Variants in KCNQ3 observed in about 807,000 individuals in gnomAD.
KCNQ3 encodes potassium voltage-gated channel subfamily Q member 3.
A neutral mutation model predicts 92.5 loss-of-function variants in KCNQ3; 30 were observed. The ratio of observed to expected loss-of-function variants is 0.32; its 90% CI spans 0.24 to 0.44. The LOEUF (loss-of-function observed/expected upper bound fraction) is 0.44. KCNQ3 is among the 20% of genes least tolerant of loss of function. The pLI is 1.00. For missense variants in KCNQ3, 913 were observed against 1,140.3 expected (o/e 0.80, Z 2.87); for synonymous variants, 450 against 468.8 (o/e 0.96, Z 0.52).
chr8:132,400,248 T>C (rs1820298748), intron 1 of KCNQ3, among the ~76,000 whole-genome samples: 1 of 152,200 alleles, frequency 6.6e-6, no homozygotes, highest in African/African-American at 2.4e-5. Flanking sequence ...CTGAGCTAAA[T>C]ATGAGCTCAA....
chr8:132,405,245 T>G (rs1031123504), intron 1 of KCNQ3, among the ~76,000 whole-genome samples: 4 of 152,132 alleles, frequency 2.6e-5, no homozygotes, highest in African/African-American at 9.7e-5. Flanking sequence ...AGGTGACAGG[T>G]CCCACTATAA....
intron 1 of KCNQ3, among the ~76,000 whole-genome samples, chr8:132,479,088 C>T (rs541565005): frequency 6.6e-6 from 1 of 152,276 alleles, no homozygotes; most frequent in Admixed American, 6.5e-5. Context: ...GAAGGCAGAG[C>T]TTGATGGCTG....
chr8:132,158,963 A>G (rs1825894610), intron 9 of KCNQ3, among the ~76,000 whole-genome samples: 1 of 152,182 alleles, frequency 6.6e-6, no homozygotes, highest in South Asian at 2.1e-4. Context: ...AGATTCCTGA[A>G]GGCTGCTGTT....
chr8:132,448,151 G>A (rs1296522281), intron 1 of KCNQ3, among the ~76,000 whole-genome samples: 1 of 152,154 alleles, frequency 6.6e-6, no homozygotes, highest in Non-Finnish European at 1.5e-5. Flanking sequence ...CCCCTGTTTT[G>A]TAGCAGCTGT....
At chr8:132,400,364 C>T (rs993054258) in intron 1 of KCNQ3, among the ~76,000 whole-genome samples, 11 of 152,326 alleles carry the variant, frequency 7.2e-5, no homozygotes, top group African/African-American at 2.6e-4. Flanking sequence ...CGGCTTTTCA[C>T]ACATCCTTGT....
chr8:132,134,433 G>C, intron 12 of KCNQ3, 45 bp from the exon 13 acceptor site: 1 of 1,320,374 alleles, frequency 7.6e-7, no homozygotes, highest in Non-Finnish European at 1.1e-6. Flanking sequence ...ACAGAGCTTT[G>C]TTTTGACAGG....
chr8:132,449,955 T>C lies in KCNQ3; in HGVS notation c.386+30192A>G, dbSNP rs999389963. On this transcript the variant is annotated intron_variant, in intron 1 of 14. Transcript: ENST00000388996. ...CAACTCTAGCCCTCTTCCCACTGTGTCCAGAGTTGGTGCCTTCCACTGGGT... is the reference window on the plus strand; with the variant it reads ...CAACTCTAGCCCTCTTCCCACTGTGCCCAGAGTTGGTGCCTTCCACTGGGT... Among the ~76,000 whole-genome samples the C allele has an allele frequency of 2.0e-5, 3 of 152,324 alleles. No homozygotes were observed. In the East Asian group the frequency reaches 5.8e-4, roughly 29 times the overall value.
chr8:132,184,404 C>T (rs201442034), intron 2 of KCNQ3, 37 bp from the exon 3 acceptor site: 128 of 1,611,914 alleles, frequency 7.9e-5, no homozygotes, highest in Middle Eastern at 3.3e-4. Flanking sequence ...ACTGATTAAC[C>T]GAGATCCACT....
intron 1 of KCNQ3, chr8:132,186,616 C>A (rs1725866218): frequency 1.7e-5 from 5 of 303,022 alleles, no homozygotes; most frequent in South Asian, 1.6e-4. Flanking sequence ...GAAGAAAACA[C>A]AAATTTATTC....
intron 9 of KCNQ3, among the ~76,000 whole-genome samples, chr8:132,153,929 A>T (rs1048225894): frequency 2.6e-5 from 4 of 152,140 alleles, no homozygotes; most frequent in Non-Finnish European, 5.9e-5. Context: ...CTAGATGAGT[A>T]GCCATTCATC....
intron 1 of KCNQ3, among the ~76,000 whole-genome samples, chr8:132,301,041 C>T (rs1817198909): frequency 6.6e-6 from 1 of 152,192 alleles, no homozygotes; most frequent in African/African-American, 2.4e-5. Flanking sequence ...TGCCTTCTGG[C>T]TGGCTAGTTT....
intron 1 of KCNQ3, among the ~76,000 whole-genome samples, chr8:132,384,299 A>G (rs1819836867): frequency 6.6e-6 from 1 of 152,180 alleles, no homozygotes; most frequent in Non-Finnish European, 1.5e-5. Context: ...GCACCAACAT[A>G]TTTCAAAAGA....
chr8:132,324,584 A>G (rs1351385764), intron 1 of KCNQ3, among the ~76,000 whole-genome samples: 1 of 152,244 alleles, frequency 6.6e-6, no homozygotes, highest in Non-Finnish European at 1.5e-5. Context: ...TATGAGGACT[A>G]AGGCTAATGA....
intron 1 of KCNQ3, among the ~76,000 whole-genome samples, chr8:132,216,562 A>G (rs571932277): frequency 4.6e-5 from 7 of 152,318 alleles, no homozygotes; most frequent in Non-Finnish European, 5.9e-5. Context: ...GATCCCAAAG[A>G]CAGAGAACTT....
intron 1 of KCNQ3, among the ~76,000 whole-genome samples, chr8:132,323,659 T>C (rs1232976028): frequency 6.6e-6 from 1 of 152,180 alleles, no homozygotes; most frequent in South Asian, 2.1e-4. Context: ...ATTAAATTAA[T>C]GTGTCAACTG....
intron 1 of KCNQ3, among the ~76,000 whole-genome samples, chr8:132,240,694 C>G (rs1488386645): frequency 6.6e-6 from 1 of 152,226 alleles, no homozygotes; most frequent in Non-Finnish European, 1.5e-5. Context: ...ATATTTGTCA[C>G]TTTTGTTCAC....
chr8:132,416,683 TAGGCATGGGGCACTGA>T (rs1294526038), intron 1 of KCNQ3, among the ~76,000 whole-genome samples: 1 of 152,126 alleles, frequency 6.6e-6, no homozygotes, highest in African/African-American at 2.4e-5. Flanking sequence ...CAGTAGGTAC[TAGGCATGGGGCACTGA>T]AGCCACAGAG....
At chr8:132,295,765 T>C (rs1037091539) in intron 1 of KCNQ3, among the ~76,000 whole-genome samples, 4 of 152,144 alleles carry the variant, frequency 2.6e-5, no homozygotes, top group Admixed American at 2.6e-4. Flanking sequence ...CCATTATCCT[T>C]AGCAAACTAA....
At chr8:132,322,771 G>A (rs974148347) in intron 1 of KCNQ3, among the ~76,000 whole-genome samples, 3 of 152,132 alleles carry the variant, frequency 2.0e-5, no homozygotes, top group Non-Finnish European at 1.5e-5. Flanking sequence ...CTCAGATGTC[G>A]GCTCAAGACT....
Sources: gnomAD v4.1 joint callset for allele counts (sites outside exome capture counted in the v4.1 genomes callset) on GRCh38, gnomAD v4.1.1 for gene constraint, MANE v1.5 for transcripts, NCBI Gene and HGNC (gene_info 2026-07-23, HGNC 2026-07-21) for gene names.